Variants in INPP4B observed in about 807,000 individuals in gnomAD.
The protein encoded by INPP4B is inositol polyphosphate 4-phosphatase type II.
In INPP4B, 55 loss-of-function variants were observed where a neutral mutation model predicts 122.5. The ratio of observed to expected loss-of-function variants is 0.45; its 90% confidence interval spans 0.36 to 0.56. The LOEUF is 0.56. Ranked by LOEUF, INPP4B falls within the 20% of genes least tolerant of loss-of-function variation. The pLI is 0.00. For missense variants in INPP4B, 1,000 were observed against 1,097.7 expected, an observed-to-expected ratio of 0.91 and a Z score of 1.26; for synonymous variants, 403 against 388.7, an observed-to-expected ratio of 1.04 and a Z score of -0.43.
chr4:142,674,004 C>T (rs918772161), intron 2 of INPP4B, among the ~76,000 whole-genome samples: 1 of 152,012 alleles, frequency 6.6e-6, no homozygotes, highest in Non-Finnish European at 1.5e-5. Flanking sequence ...ACCTAGATGG[C>T]AGATGGGAGC....
At position 142,208,902 on chromosome 4, in the gene INPP4B, C is replaced by T. The variant is rs765625542; in HGVS notation, c.961G>A (p.Glu321Lys). 20 of 1,560,328 alleles carry T rather than the reference C, an allele frequency of 1.3e-5. No homozygotes were observed. The highest frequency in any genetic ancestry group is 6.3e-5 in the South Asian group (5 of 78,988). Residue 321 changes from glutamate (E) to lysine (K), a missense_variant, in exon 13 of 26, where the codon GAA becomes AAA. Coordinates refer to ENST00000262992, the MANE Select transcript of INPP4B (RefSeq NM_001101669.3). ...YQDILTELSK[E>K]TGSSFKSSSS... ...AGAGAAATTGCTTCCACACCTGTTT[C>T]CTTGCTAAGTTCTGTCAGAATGTCT...
chr4:142,027,957 T>C lies in INPP4B; in HGVS notation c.*825A>G. 5.3e-6 allele frequency: 1 copy of C among 188,294 alleles called. No homozygotes were observed. Among genetic ancestry groups the C allele is most frequent in the East Asian group, 8.4e-5 (1 of 11,886 alleles). The allele number at this position is 188,294 out of a possible 1,614,324, so 11.7% of individuals were successfully genotyped here. A position where few individuals can be genotyped will look rare whatever the true frequency, so the allele number is the denominator to read the frequency against. ...AGATACCTCACTGACATTCATGAAC[T>C]TCACAACATAAAGTTCAGGCTGATG... On this transcript the variant is annotated 3_prime_UTR_variant, in exon 26 of 26. Transcript: ENST00000262992.
At chr4:142,267,901 C>T (rs1055457855) in intron 10 of INPP4B, among the ~76,000 whole-genome samples, 1 of 151,964 alleles carries the variant, frequency 6.6e-6, no homozygotes. Flanking sequence ...AAAAAACACT[C>T]GCAAAAGAAG....
chr4:142,350,763 ACTTTT>A (rs1478364912), intron 7 of INPP4B, among the ~76,000 whole-genome samples: 18 of 152,158 alleles, frequency 1.2e-4, no homozygotes, highest in Admixed American at 9.2e-4. Flanking sequence ...ATTATACTTT[ACTTTT>A]GTCTACATTG....
intron 2 of INPP4B, among the ~76,000 whole-genome samples, chr4:142,704,406 T>C (rs1409276466): frequency 6.6e-6 from 1 of 152,198 alleles, no homozygotes; most frequent in Non-Finnish European, 1.5e-5. Context: ...TTGGTAAAAC[T>C]ACCCCTTGAG....
chr4:142,754,182 T>C, intron 1 of INPP4B, among the ~76,000 whole-genome samples: 1 of 152,080 alleles, frequency 6.6e-6, no homozygotes, highest in East Asian at 1.9e-4. Context: ...TTTATACCTT[T>C]AATAATTCCA....
intron 2 of INPP4B, among the ~76,000 whole-genome samples, chr4:142,721,440 T>C (rs748755885): frequency 2.6e-5 from 4 of 152,160 alleles, no homozygotes; most frequent in Non-Finnish European, 5.9e-5. Flanking sequence ...AGTGATAAAA[T>C]TAAGCTGTCT....
chr4:142,418,050 G>C (rs1806134290), intron 5 of INPP4B, among the ~76,000 whole-genome samples: 1 of 152,064 alleles, frequency 6.6e-6, no homozygotes, highest in South Asian at 2.1e-4. Flanking sequence ...ATTCTACACA[G>C]GTATGCAGTC....
chr4:142,382,606 T>A (rs1296187634), intron 7 of INPP4B, among the ~76,000 whole-genome samples: 1 of 115,750 alleles, frequency 8.6e-6, no homozygotes, highest in Non-Finnish European at 1.8e-5. Context: ...ATATATATAT[T>A]TATATATTAT....
chr4:142,837,159 A>AAATAATAATAATAATAAT lies in INPP4B; in HGVS notation c.-254+9032_-254+9049dup, dbSNP rs150797757. ...TGACAAGAGGGAAACACAGTCTCAA[A>AAATAATAATAATAATAAT]AATAATAATAATAATAATAATAATA... On this transcript the variant is annotated intron_variant, in intron 1 of 25. Coordinates refer to ENST00000262992, the MANE Select transcript of INPP4B (RefSeq NM_001101669.3). 7.3e-3 allele frequency among the ~76,000 whole-genome samples: 1,086 copies of AAATAATAATAATAATAAT among 149,046 alleles called. 15 individuals carry two copies. Among genetic ancestry groups the AAATAATAATAATAATAAT allele is most frequent in the African/African-American group, 0.026 (1,020 of 39,564 alleles).
At chr4:142,276,652 T>G (rs1748553468) in intron 9 of INPP4B, among the ~76,000 whole-genome samples, 1 of 151,918 alleles carries the variant, frequency 6.6e-6, no homozygotes, top group African/African-American at 2.4e-5. Flanking sequence ...AATATAAAAA[T>G]TCTTCAGTAT....
intron 7 of INPP4B, among the ~76,000 whole-genome samples, chr4:142,370,810 A>AC (rs1361863875): frequency 4.6e-5 from 7 of 152,064 alleles, no homozygotes; most frequent in Non-Finnish European, 1.0e-4. Flanking sequence ...TGGAAAAACA[A>AC]CCCATGCTCA....
intron 9 of INPP4B, among the ~76,000 whole-genome samples, chr4:142,286,496 A>G (rs1753768147): frequency 1.3e-5 from 2 of 152,238 alleles, no homozygotes; most frequent in South Asian, 2.1e-4. Context: ...TTGAGAATTG[A>G]TACGAAATTT....
At chr4:142,672,113 T>TACTTTG (rs375169381) in intron 2 of INPP4B, among the ~76,000 whole-genome samples, 218 of 152,350 alleles carry the variant, frequency 1.4e-3, no homozygotes, top group African/African-American at 5.1e-3. Flanking sequence ...TTGAAAGTAC[T>TACTTTG]ACTTTGTTAT....
At chr4:142,542,713 T>G (rs1272745445) in intron 2 of INPP4B, among the ~76,000 whole-genome samples, 1 of 152,200 alleles carries the variant, frequency 6.6e-6, no homozygotes, top group Admixed American at 6.5e-5. Flanking sequence ...ATAACCAATT[T>G]CATATGAAGC....
chr4:142,603,872 C>A (rs1269518379), intron 2 of INPP4B, among the ~76,000 whole-genome samples: 1 of 150,504 alleles, frequency 6.6e-6, no homozygotes, highest in Non-Finnish European at 1.5e-5. Context: ...TTTATAAGAA[C>A]AGAATTATCC....
At chr4:142,818,844 C>G (rs1780453181) in intron 1 of INPP4B, among the ~76,000 whole-genome samples, 1 of 152,116 alleles carries the variant, frequency 6.6e-6, no homozygotes, top group South Asian at 2.1e-4. Flanking sequence ...TTATTTTTAT[C>G]TTCATTCTGT....
chr4:142,102,513 G>A (rs887261836), intron 23 of INPP4B, among the ~76,000 whole-genome samples: 5 of 143,904 alleles, frequency 3.5e-5, no homozygotes, highest in Admixed American at 1.5e-4. Context: ...CCAAAGGAGC[G>A]TGAGAGACGT....
chr4:142,333,746 T>C (rs1039700154), intron 7 of INPP4B, among the ~76,000 whole-genome samples: 1 of 152,162 alleles, frequency 6.6e-6, no homozygotes, highest in African/African-American at 2.4e-5. Flanking sequence ...TGAGGTATAA[T>C]TGACAATAAA....
Sources: gnomAD v4.1 joint callset for allele counts (sites outside exome capture counted in the v4.1 genomes callset) on GRCh38, gnomAD v4.1.1 for gene constraint, MANE v1.5 for transcripts, NCBI Gene and HGNC (gene_info 2026-07-23, HGNC 2026-07-21) for gene names.